Variants in DOCK5 observed in about 807,000 individuals in gnomAD.
The protein encoded by DOCK5 is dedicator of cytokinesis protein 5.
DOCK5 carries 142 observed loss-of-function variants against 251.8 expected under a neutral mutation model. The observed-to-expected ratio is 0.56, with a 90% CI of 0.49 to 0.65. DOCK5 has a LOEUF of 0.65. DOCK5 is among the 30% of genes least tolerant of loss of function. The pLI is 0.00. For missense variants in DOCK5, 2,111 were observed against 2,312.3 expected, an observed-to-expected ratio of 0.91 and a Z score of 1.79; for synonymous variants, 842 against 835.5, an observed-to-expected ratio of 1.01 and a Z score of -0.13.
At chr8:25,335,322 G>A (rs1805778028) in intron 21 of DOCK5, among the ~76,000 whole-genome samples, 1 of 152,082 alleles carries the variant, frequency 6.6e-6, no homozygotes, top group Non-Finnish European at 1.5e-5. Context: ...ATCATACCGA[G>A]CCAAATGCAG....
intron 5 of DOCK5, among the ~76,000 whole-genome samples, chr8:25,278,942 C>T (rs1205771585): frequency 1.3e-5 from 2 of 152,206 alleles, no homozygotes; most frequent in Non-Finnish European, 2.9e-5. Context: ...TCACTGCAAA[C>T]ACTTCTGCAG....
At chr8:25,357,207 A>C (rs981323139) in intron 27 of DOCK5, among the ~76,000 whole-genome samples, 7 of 151,642 alleles carry the variant, frequency 4.6e-5, no homozygotes, top group Non-Finnish European at 1.0e-4. Flanking sequence ...CCTCAGTGTT[A>C]AATTCTGAGT....
At chr8:25,319,146 G>A (rs970830775) in intron 14 of DOCK5, among the ~76,000 whole-genome samples, 4 of 152,114 alleles carry the variant, frequency 2.6e-5, no homozygotes, top group African/African-American at 7.2e-5. Context: ...TGAATATGCT[G>A]TGCCAATACC....
chr8:25,200,424 T>C (rs1025017419), intron 1 of DOCK5, among the ~76,000 whole-genome samples: 1 of 152,326 alleles, frequency 6.6e-6, no homozygotes, highest in Non-Finnish European at 1.5e-5. Flanking sequence ...GAAAACTATA[T>C]AGCCATTAAA....
intron 27 of DOCK5, among the ~76,000 whole-genome samples, chr8:25,357,231 T>C (rs894382054): frequency 2.0e-5 from 3 of 151,794 alleles, no homozygotes; most frequent in Non-Finnish European, 2.9e-5. Context: ...AAACCTCTAA[T>C]ACTCAGAATA....
chr8:25,415,622 CAGTT>C lies in DOCK5; in HGVS notation c.*4327_*4330del, dbSNP rs1801693683. On this transcript the variant is annotated 3_prime_UTR_variant, in exon 52 of 52. Coordinates refer to ENST00000276440, the MANE Select transcript of DOCK5 (RefSeq NM_024940.8). ...TTGCTATCTGGATTTCAAACATGGA[CAGTT>C]AGGAAGATGTGCATTGAAGTAGGAA... 6.6e-6 allele frequency: 1 copy of C among 152,164 alleles called. No individual in the cohort carries two copies. Among genetic ancestry groups the C allele is most frequent in the South Asian group, 2.1e-4 (1 of 4,830 alleles). 9.4% of individuals were successfully genotyped at this position (152,164 alleles called of 1,614,324 possible).
intron 46 of DOCK5, 96 bp downstream of exon 46, chr8:25,400,090 CTTTT>C: frequency 1.5e-5 from 14 of 955,414 alleles, no homozygotes; most frequent in Non-Finnish European, 2.2e-5. Context: ...CTCAGGGTGA[CTTTT>C]CTTTCTTTTT....
chr8:25,258,218 C>T (rs2117577224), intron 2 of DOCK5, among the ~76,000 whole-genome samples: 1 of 151,964 alleles, frequency 6.6e-6, no homozygotes, highest in Non-Finnish European at 1.5e-5. Context: ...TTCCTCATCC[C>T]TCACTGCCTG....
Position 25,272,743 on chromosome 8 carries a change from G to A in DOCK5, c.169-2643G>A, listed in dbSNP as rs577808951. On this transcript the variant is annotated intron_variant, in intron 3 of 51. Transcript: ENST00000276440. ...TTTACCATCTTAACCATTTGTAAGT[G>A]TACTTTCCAGTGGCACTAAGTACAT... is the stretch of plus-strand genomic sequence containing the variant. 2.3e-4 allele frequency among the ~76,000 whole-genome samples: 35 copies of A among 152,242 alleles called. No homozygotes were observed. In the South Asian group the frequency reaches 7.1e-3, roughly 31 times the overall value.
intron 39 of DOCK5, 151 bp from the exon 40 acceptor site, chr8:25,382,523 T>C (rs1437818050): frequency 9.5e-6 from 6 of 634,134 alleles, no homozygotes; most frequent in Non-Finnish European, 1.6e-5. Flanking sequence ...GATCCGAGAA[T>C]AGGATAACCC....
At chr8:25,205,040 T>A (rs943278439) in intron 1 of DOCK5, among the ~76,000 whole-genome samples, 2 of 151,542 alleles carry the variant, frequency 1.3e-5, no homozygotes, top group Non-Finnish European at 2.9e-5. Context: ...TTAAAAAAAA[T>A]TATTTTTAAA....
chr8:25,349,774 A>C (rs1445237908), intron 26 of DOCK5, among the ~76,000 whole-genome samples: 1 of 152,202 alleles, frequency 6.6e-6, no homozygotes, highest in African/African-American at 2.4e-5. Flanking sequence ...GGGAAAGGCT[A>C]AGAGGTGGGT....
At chr8:25,395,923 T>A in intron 45 of DOCK5, 2 of 683,658 alleles carry the variant, frequency 2.9e-6, no homozygotes, top group Non-Finnish European at 5.1e-6. Flanking sequence ...AGAACTTACC[T>A]AGTAAAGCGT....
chr8:25,264,685 G>A (rs1436699784), intron 2 of DOCK5, among the ~76,000 whole-genome samples: 1 of 151,784 alleles, frequency 6.6e-6, no homozygotes, highest in Non-Finnish European at 1.5e-5. Context: ...AAATAAGCTA[G>A]GCATGGTGGC....
intron 5 of DOCK5, among the ~76,000 whole-genome samples, chr8:25,285,104 A>G (rs916393791): frequency 5.3e-5 from 8 of 152,182 alleles, no homozygotes; most frequent in African/African-American, 1.9e-4. Context: ...TTTTTTGGTG[A>G]TAGAAGGTAT....
At position 25,296,520 on chromosome 8, in the gene DOCK5, G is replaced by C. The variant is rs779947182; in HGVS notation, c.478G>C (p.Gly160Arg). ...CTACTCCTTTCTCTCCAGAATGCTG[G>C]GGTTAGATCTGGTGGTGCGAGATGA... ...AKIDHGNRML[G>R]LDLVVRDDNG... Residue 160 changes from glycine (G) to arginine (R), a missense_variant, in exon 7 of 52, where the codon GGG becomes CGG. Around this residue, in one of 3 missense-constraint regions of DOCK5, gnomAD observed 335 missense variants for 324.9 expected, o/e 1.03. Coordinates refer to ENST00000276440, the MANE Select transcript of DOCK5 (RefSeq NM_024940.8). 1 of 1,609,372 alleles carries C rather than the reference G, an allele frequency of 6.2e-7. No homozygotes were observed. Among genetic ancestry groups the C allele is most frequent in the Non-Finnish European group, 8.5e-7 (1 of 1,177,894 alleles).
rs143249620 is a variant in DOCK5, at chr8:25,308,540, G to A, written c.1050-243G>A. 3.4e-3 allele frequency among the ~76,000 whole-genome samples: 515 copies of A among 152,198 alleles called. 3 individuals carry two copies. The highest frequency in any genetic ancestry group is 0.011 in the African/African-American group (467 of 41,510). ...TTGCCTCTGATTTTAGTTGCTAACC[G>A]TTGGTCACCAGTTTTGTGTACTCTT... On this transcript the variant is annotated intron_variant, in intron 11 of 51. Coordinates refer to ENST00000276440, the MANE Select transcript of DOCK5 (RefSeq NM_024940.8).
At chr8:25,399,778 G>C (rs1417891939) in intron 45 of DOCK5, 133 bp from the exon 46 acceptor site, 7 of 659,152 alleles carry the variant, frequency 1.1e-5, no homozygotes, top group Non-Finnish European at 1.6e-5. Flanking sequence ...TATAAGAGCT[G>C]TCTGAGGAAA....
At chr8:25,299,164 C>T in intron 8 of DOCK5, 63 bp downstream of exon 8, 1 of 1,551,394 alleles carries the variant, frequency 6.4e-7, no homozygotes, top group Non-Finnish European at 8.7e-7. Context: ...CCCCTGACCC[C>T]TACCCGGGCA....
Sources: gnomAD v4.1 joint callset for allele counts (sites outside exome capture counted in the v4.1 genomes callset) on GRCh38, gnomAD v4.1.1 for gene constraint, gnomAD v4.1.1 regional missense constraint, MANE v1.5 for transcripts, NCBI Gene and HGNC (gene_info 2026-07-23, HGNC 2026-07-21) for gene names.